The following NBEA variants were observed in gnomAD, a reference collection of about 807,000 sequenced individuals.
NBEA encodes neurobeachin, also known as lysosomal-trafficking regulator 2.
NBEA carries 44 observed loss-of-function variants against 343.4 expected under a neutral mutation model. The observed-to-expected ratio is 0.13, with a 90% CI of 0.10 to 0.16. The LOEUF (loss-of-function observed/expected upper bound fraction) is 0.16, where lower values mean the gene tolerates loss of function less well. Ranked by LOEUF, NBEA falls within the 10% of genes least tolerant of loss-of-function variation. NBEA has a pLI of 1.00. For synonymous variants in NBEA, 1,175 were observed against 1,238.7 expected (o/e 0.95, Z 1.08); for missense variants, 2,555 against 3,631.3 (o/e 0.70, Z 7.62).
intron 34 of NBEA, among the ~76,000 whole-genome samples, chr13:35,241,517 T>C (rs1258120601): frequency 6.6e-6 from 1 of 151,718 alleles, no homozygotes; most frequent in Non-Finnish European, 1.5e-5. Flanking sequence ...GTAAACTAGA[T>C]ACAAAAGCGT....
At chr13:34,985,750 C>T (rs149010363) in intron 1 of NBEA, among the ~76,000 whole-genome samples, 9 of 150,392 alleles carry the variant, frequency 6.0e-5, no homozygotes, top group African/African-American at 2.2e-4. Context: ...ATTCACCTTC[C>T]TGGTTTAGTC....
At chr13:35,118,135 CTT>C (rs1204163648) in intron 14 of NBEA, 91 bp from the exon 15 acceptor site, 9 of 824,340 alleles carry the variant, frequency 1.1e-5, no homozygotes, top group East Asian at 2.8e-5. Flanking sequence ...TAAACTAACT[CTT>C]ATTTTCTTTT....
intron 1 of NBEA, among the ~76,000 whole-genome samples, chr13:34,950,630 A>G (rs1012923271): frequency 1.3e-5 from 2 of 151,728 alleles, no homozygotes; most frequent in African/African-American, 4.8e-5. Context: ...TAAATACTTT[A>G]GGTATTAAAT....
chr13:34,943,923 A>C (rs1039450811), intron 1 of NBEA, among the ~76,000 whole-genome samples: 2 of 152,220 alleles, frequency 1.3e-5, no homozygotes, highest in African/African-American at 4.8e-5. Flanking sequence ...AGAAGTGTGT[A>C]TGACTTAATG....
chr13:35,483,474 G>T (rs1012318202), intron 41 of NBEA, among the ~76,000 whole-genome samples: 15 of 151,780 alleles, frequency 9.9e-5, no homozygotes, highest in African/African-American at 2.2e-4. Flanking sequence ...GCACATTCTT[G>T]GGACATGTGT....
At chr13:35,176,634 A>G (rs1337268509) in intron 27 of NBEA, among the ~76,000 whole-genome samples, 1 of 152,026 alleles carries the variant, frequency 6.6e-6, no homozygotes, top group Non-Finnish European at 1.5e-5. Context: ...CTCATATATT[A>G]TAAAAGCATG....
chr13:35,520,805 T>G (rs2152992194), intron 41 of NBEA, among the ~76,000 whole-genome samples: 1 of 152,332 alleles, frequency 6.6e-6, no homozygotes, highest in African/African-American at 2.4e-5. Flanking sequence ...TCCTTTAAAC[T>G]TCTATTGGAA....
At chr13:35,087,289 G>C (rs948969711) in intron 10 of NBEA, among the ~76,000 whole-genome samples, 1 of 151,798 alleles carries the variant, frequency 6.6e-6, no homozygotes, top group Non-Finnish European at 1.5e-5. Flanking sequence ...TCTAGGAAGA[G>C]ATTTCATGTC....
intron 1 of NBEA, among the ~76,000 whole-genome samples, chr13:34,950,715 A>T (rs2059324738): frequency 6.6e-6 from 1 of 152,118 alleles, no homozygotes; most frequent in Non-Finnish European, 1.5e-5. Flanking sequence ...AGAAATATAC[A>T]TGTTTAATTA....
intron 46 of NBEA, among the ~76,000 whole-genome samples, chr13:35,589,003 A>G (rs1306466839): frequency 6.6e-6 from 1 of 152,182 alleles, no homozygotes; most frequent in Non-Finnish European, 1.5e-5. Context: ...TATGTATAGT[A>G]GAAACATTTT....
chr13:35,620,473 A>C (rs76343066), intron 48 of NBEA, among the ~76,000 whole-genome samples: 2,607 of 152,230 alleles, frequency 0.017, 74 homozygotes, highest in African/African-American at 0.06. Flanking sequence ...TGGGCCAGGA[A>C]AGGGTGGGCA....
chr13:35,441,037 G>C (rs987982381), intron 39 of NBEA, among the ~76,000 whole-genome samples: 1 of 152,128 alleles, frequency 6.6e-6, no homozygotes, highest in African/African-American at 2.4e-5. Flanking sequence ...AGTGCTTTTA[G>C]ATAATCTGTA....
chr13:35,407,933 T>C (rs1313999416), intron 38 of NBEA, among the ~76,000 whole-genome samples: 1 of 152,240 alleles, frequency 6.6e-6, no homozygotes, highest in East Asian at 1.9e-4. Flanking sequence ...ATGGCCATAC[T>C]GACCAAAGCA....
chr13:35,462,544 T>C (rs1176877810), intron 40 of NBEA, among the ~76,000 whole-genome samples: 1 of 152,178 alleles, frequency 6.6e-6, no homozygotes, highest in Non-Finnish European at 1.5e-5. Flanking sequence ...GAGGGAGCTT[T>C]ATGTGCCTTA....
At chr13:35,042,931 A>G (rs2062708099) in intron 2 of NBEA, among the ~76,000 whole-genome samples, 1 of 151,854 alleles carries the variant, frequency 6.6e-6, no homozygotes, top group Non-Finnish European at 1.5e-5. Flanking sequence ...TTAATAATGT[A>G]GTAAAAGTGT....
At chr13:35,186,957 A>T (rs2071760838) in intron 30 of NBEA, among the ~76,000 whole-genome samples, 2 of 152,082 alleles carry the variant, frequency 1.3e-5, no homozygotes, top group Non-Finnish European at 2.9e-5. Context: ...CAAATAACAA[A>T]AACAGTTGTG....
chr13:35,251,538 C>A (rs192753318), intron 34 of NBEA: 39 of 1,155,242 alleles, frequency 3.4e-5, no homozygotes, highest in Non-Finnish European at 3.8e-5. Flanking sequence ...TCCTGGACGT[C>A]ATGTCCTTGA....
At chr13:35,146,765 G>A (rs1261413281) in intron 18 of NBEA, among the ~76,000 whole-genome samples, 3 of 152,096 alleles carry the variant, frequency 2.0e-5, no homozygotes, top group Admixed American at 6.6e-5. Context: ...TATCATTTGG[G>A]CCTGCTGCTG....
At chr13:35,141,260 CTTTTTTTG>C (rs934159053) in intron 17 of NBEA, among the ~76,000 whole-genome samples, 2 of 151,754 alleles carry the variant, frequency 1.3e-5, no homozygotes, top group African/African-American at 2.4e-5. Flanking sequence ...ATTTTGAATT[CTTTTTTTG>C]TTTTTTTGTT....
Sources: allele counts gnomAD v4.1 joint callset (sites outside exome capture counted in the v4.1 genomes callset), GRCh38; gene constraint gnomAD v4.1.1; transcripts MANE v1.5; gene names NCBI Gene and HGNC (gene_info 2026-07-23, HGNC 2026-07-21).